NDUFB6: variants seen among roughly 807,000 people sequenced by gnomAD.
NDUFB6 encodes NADH:ubiquinone oxidoreductase subunit B6.
A neutral mutation model predicts 17.5 loss-of-function variants in NDUFB6; 23 were observed. That is an observed-to-expected ratio of 1.31 (90% confidence interval 0.94 to 1.86). NDUFB6 has a LOEUF of 1.86. Among genes scored for constraint, NDUFB6 ranks in the 40% most tolerant of loss-of-function variants. The pLI is 0.00. For missense variants in NDUFB6, 167 were observed against 153.8 expected (o/e 1.09, Z -0.46); for synonymous variants, 60 against 53.5 (o/e 1.12, Z -0.53).
chr9:32,573,098 C>A lies in NDUFB6; in HGVS notation c.-38G>T. Reference sequence around the variant, plus strand: ...ACCAACGCAAAAGGACACGGCGCACCCTCGAACTACGGACTAGTTACTTAA... The same window carrying A: ...ACCAACGCAAAAGGACACGGCGCACACTCGAACTACGGACTAGTTACTTAA... On this transcript the variant is annotated 5_prime_UTR_variant, in exon 1 of 4. Coordinates refer to ENST00000379847, the MANE Select transcript of NDUFB6 (RefSeq NM_002493.5). The A allele has an allele frequency of 2.7e-6, 4 of 1,488,994 alleles. No homozygotes were observed. Among genetic ancestry groups the A allele is most frequent in the Non-Finnish European group, 3.6e-6 (4 of 1,117,372 alleles). 92.2% of individuals were successfully genotyped at this position (1,488,994 alleles called of 1,614,324 possible). A position where few individuals can be genotyped will look rare whatever the true frequency, so the allele number is the denominator to read the frequency against.
chr9:32,572,850 T>C lies in NDUFB6; in HGVS notation c.180+31A>G, dbSNP rs1821972895. On this transcript the variant is annotated intron_variant, in intron 1 of 3. Coordinates refer to ENST00000379847, the MANE Select transcript of NDUFB6 (RefSeq NM_002493.5). ...AGGCTGCCGGCAGCAGTGGGATGTG[T>C]TGGGGGGGACCGGAGAGGTCTGTCA... 3.3e-6 allele frequency: 5 copies of C among 1,526,762 alleles called. No homozygotes were observed. The East Asian group carries it at 9.4e-5, about 29-fold the overall frequency. The allele number at this position is 1,526,762 out of a possible 1,614,324, so 94.6% of individuals were successfully genotyped here.
rs1200419052 is a variant in NDUFB6, at chr9:32,573,153, C to A, written c.-93G>T. ...GCTCCCGCTCTGCAAAGCGACCTTGCGGGAACGCCGAGCGCCGCGCGCGGT... is the reference window on the plus strand; with the variant it reads ...GCTCCCGCTCTGCAAAGCGACCTTGAGGGAACGCCGAGCGCCGCGCGCGGT... On this transcript the variant is annotated 5_prime_UTR_variant, in exon 1 of 4. Coordinates refer to ENST00000379847, the MANE Select transcript of NDUFB6 (RefSeq NM_002493.5). 3.0e-6 allele frequency: 4 copies of A among 1,336,720 alleles called. No individual in the cohort carries two copies. The highest frequency in any genetic ancestry group is 1.5e-5 in the African/African-American group (1 of 66,688). 82.8% of individuals were successfully genotyped at this position (1,336,720 alleles called of 1,614,324 possible). A position where few individuals can be genotyped will look rare whatever the true frequency, so the allele number is the denominator to read the frequency against.
intron 3 of NDUFB6, among the ~76,000 whole-genome samples, chr9:32,555,138 C>T (rs1297304972): frequency 6.6e-6 from 1 of 152,002 alleles, no homozygotes; most frequent in Non-Finnish European, 1.5e-5. Flanking sequence ...TTGGGCCAGT[C>T]ATGGTGGCTC....
chr9:32,556,603 C>CA (rs1339207969), intron 3 of NDUFB6, among the ~76,000 whole-genome samples: 2 of 152,100 alleles, frequency 1.3e-5, no homozygotes, highest in African/African-American at 4.8e-5. Context: ...ACCACAGTGG[C>CA]AAAAAATACA....
intron 3 of NDUFB6, among the ~76,000 whole-genome samples, chr9:32,557,162 CTTTTT>C (rs34291462): frequency 5.4e-5 from 7 of 129,226 alleles, no homozygotes; most frequent in Admixed American, 1.6e-4. Flanking sequence ...CTGGCCCCCA[CTTTTT>C]TTTTTTTTTT....
intron 2 of NDUFB6, chr9:32,566,976 G>A (rs865873680): frequency 9.9e-6 from 5 of 506,868 alleles, no homozygotes; most frequent in Middle Eastern, 9.0e-4. Flanking sequence ...CGTCGAGGAC[G>A]CTTCGGTCAG....
At chr9:32,561,148 G>A (rs1403187842) in intron 2 of NDUFB6, among the ~76,000 whole-genome samples, 5 of 152,038 alleles carry the variant, frequency 3.3e-5, no homozygotes, top group Non-Finnish European at 7.4e-5. Context: ...CAAATTGTTA[G>A]CCCTTTTTAA....
Position 32,558,898 on chromosome 9 carries a change from G to A in NDUFB6, c.318+12C>T. ...AATAAACAAAAGAAAAATCAGAAGTGTTAAGACTTACAGGGAATATTCTGG... is the reference window on the plus strand; with the variant it reads ...AATAAACAAAAGAAAAATCAGAAGTATTAAGACTTACAGGGAATATTCTGG... On this transcript the variant is annotated intron_variant, in intron 3 of 3. Transcript: ENST00000379847. The A allele has an allele frequency of 6.5e-7, 1 of 1,544,956 alleles. No individual in the cohort carries two copies. Among genetic ancestry groups the A allele is most frequent in the Non-Finnish European group, 8.9e-7 (1 of 1,125,588 alleles).
At chr9:32,562,593 T>C (rs1337038342) in intron 2 of NDUFB6, among the ~76,000 whole-genome samples, 1 of 152,248 alleles carries the variant, frequency 6.6e-6, no homozygotes, top group African/African-American at 2.4e-5. Flanking sequence ...GCTGCAAGAA[T>C]GAAAATAATT....
intron 1 of NDUFB6, 104 bp downstream of exon 1, chr9:32,572,777 G>A: frequency 1.3e-5 from 14 of 1,080,320 alleles, no homozygotes; most frequent in Non-Finnish European, 1.8e-5. Flanking sequence ...AGAGCACTGA[G>A]CGTTATCAGT....
intron 3 of NDUFB6, among the ~76,000 whole-genome samples, chr9:32,558,563 T>C (rs1821537475): frequency 6.6e-6 from 1 of 152,208 alleles, no homozygotes; most frequent in South Asian, 2.1e-4. Flanking sequence ...GCATGGATGT[T>C]TGCTTAGGCT....
intron 2 of NDUFB6, chr9:32,566,071 A>C (rs1587647778): frequency 3.5e-5 from 1 of 28,426 alleles, no homozygotes; most frequent in Non-Finnish European, 9.2e-5. Context: ...TGGAGTGACC[A>C]AAAAAAAAAA....
chr9:32,569,408 T>C (rs1447582895), intron 2 of NDUFB6, among the ~76,000 whole-genome samples: 1 of 151,390 alleles, frequency 6.6e-6, no homozygotes, highest in African/African-American at 2.4e-5. Context: ...TTAGTAGAGG[T>C]GGGGTTTCAC....
intron 2 of NDUFB6, among the ~76,000 whole-genome samples, chr9:32,569,465 G>A (rs1362142952): frequency 4.6e-5 from 7 of 152,146 alleles, no homozygotes; most frequent in South Asian, 2.1e-4. Context: ...TGATCCACCC[G>A]CCTCAACCTC....
intron 3 of NDUFB6, among the ~76,000 whole-genome samples, 161 bp from the exon 4 acceptor site, chr9:32,554,105 A>G (rs1027792429): frequency 6.6e-6 from 1 of 152,230 alleles, no homozygotes; most frequent in Non-Finnish European, 1.5e-5. Context: ...CTAAATCTGA[A>G]CAATCAGTAT....
intron 3 of NDUFB6, 133 bp downstream of exon 3, chr9:32,558,777 G>T: frequency 1.9e-6 from 1 of 538,248 alleles, no homozygotes. Flanking sequence ...TTTTTTACAA[G>T]AATACACAAA....
rs1272211527 is a variant in NDUFB6, at chr9:32,566,768, T to TA, written c.273+4191_273+4192insT. ...GCGGGTCCTCAGCCCGGGTGTCGGC[T>TA]GCGACGTTCTGGCTGACGTTGTACA... On this transcript the variant is annotated intron_variant, in intron 2 of 3. Transcript: ENST00000379847. 4.4e-6 allele frequency: 4 copies of TA among 902,846 alleles called. No homozygotes were observed. The African/African-American group carries it at 6.5e-5, about 15-fold the overall frequency. 55.9% of individuals were successfully genotyped at this position (902,846 alleles called of 1,614,324 possible).
intron 3 of NDUFB6, among the ~76,000 whole-genome samples, chr9:32,557,292 T>C (rs1356259796): frequency 1.3e-5 from 2 of 149,940 alleles, no homozygotes; most frequent in Non-Finnish European, 3.0e-5. Context: ...AGCCTCCAGG[T>C]AGCTGGGATT....
chr9:32,571,646 T>C (rs989295449), intron 1 of NDUFB6, among the ~76,000 whole-genome samples: 1 of 152,212 alleles, frequency 6.6e-6, no homozygotes, highest in African/African-American at 2.4e-5. Context: ...AAAAAACACC[T>C]ATCCATTCAA....
Sources: allele counts gnomAD v4.1 joint callset (sites outside exome capture counted in the v4.1 genomes callset), GRCh38; gene constraint gnomAD v4.1.1; transcripts MANE v1.5; gene names NCBI Gene and HGNC (gene_info 2026-07-23, HGNC 2026-07-21).